HERC2: variants seen among roughly 807,000 people sequenced by gnomAD.
The protein encoded by HERC2 is E3 ubiquitin-protein ligase HERC2.
A neutral mutation model predicts 537.7 loss-of-function variants in HERC2; 102 were observed. The observed-to-expected ratio is 0.19, with a 90% CI of 0.16 to 0.22. The LOEUF is 0.22. Among genes scored for constraint, HERC2 ranks in the 10% least tolerant of loss-of-function variants. HERC2 has a pLI of 1.00. For synonymous variants in HERC2, 2,224 were observed against 2,466.2 expected, an observed-to-expected ratio of 0.90 and a Z score of 2.91; for missense variants, 4,236 against 6,198.2, an observed-to-expected ratio of 0.68 and a Z score of 10.63.
intron 48 of HERC2, 42 bp from the exon 49 acceptor site, chr15:28,198,811 A>T: frequency 1.3e-6 from 2 of 1,537,924 alleles, no homozygotes; most frequent in Non-Finnish European, 8.9e-7. Context: ...CATCATGTAC[A>T]CAGGTGAAAT....
intron 83 of HERC2, 106 bp from the exon 84 acceptor site, chr15:28,125,299 G>T: frequency 2.2e-6 from 2 of 909,908 alleles, no homozygotes; most frequent in Non-Finnish European, 1.8e-6. Flanking sequence ...CTGCCCTTCA[G>T]CTGGTGTTGA....
chr15:28,227,013 G>A (rs1437872119), intron 35 of HERC2, among the ~76,000 whole-genome samples: 3 of 152,208 alleles, frequency 2.0e-5, no homozygotes, highest in Non-Finnish European at 2.9e-5. Flanking sequence ...AGTGGCTCAC[G>A]CCTGTTATCC....
rs771908396 is a variant in HERC2, at chr15:28,213,776, G to A, written c.6752C>T (p.Thr2251Met). 5.6e-6 allele frequency: 9 copies of A among 1,613,846 alleles called. No individual in the cohort carries two copies. Among genetic ancestry groups the A allele is most frequent in the Admixed American group, 1.7e-5 (1 of 59,996 alleles). ...KITVQFSDMR[T>M]CRVCPLNQLK... is the part of the protein sequence containing the mutation. ...CTGATTCAATGGGCAAACGCGACAC[G>A]TCCGCATGTCAGAGAACTGCACGGT... Residue 2251 changes from threonine to methionine, a missense_variant, in exon 42 of 93, where the codon ACG (threonine) becomes ATG (methionine). By Grantham distance (81) the Thr-to-Met change is moderately conservative. Around this residue, in one of 27 missense-constraint regions of HERC2, gnomAD observed 67 missense variants for 140.1 expected, o/e 0.48. Coordinates refer to ENST00000261609, the MANE Select transcript of HERC2 (RefSeq NM_004667.6).
Position 28,113,003 on chromosome 15 carries a change from G to A in HERC2, c.14232+68C>T, listed in dbSNP as rs1887815399. The A allele has an allele frequency of 2.3e-6, 3 of 1,311,830 alleles. No individual in the cohort carries two copies. Among genetic ancestry groups the A allele is most frequent in the South Asian group, 2.5e-5 (2 of 80,248 alleles). 81.3% of individuals were successfully genotyped at this position (1,311,830 alleles called of 1,614,324 possible). Reference sequence around the variant, plus strand: ...TTTTCCATGTGCTGCAGGACTGTGGGTGAGGAGCCAGCCACCCACCGTCGG... The same window carrying A: ...TTTTCCATGTGCTGCAGGACTGTGGATGAGGAGCCAGCCACCCACCGTCGG... On this transcript the variant is annotated intron_variant, in intron 92 of 92. Transcript: ENST00000261609. This position sits in a 1 kb window ranked among gnomAD's most constrained non-coding sequence, Gnocchi z 7.0.
At chr15:28,190,855 C>G in intron 55 of HERC2, 110 bp downstream of exon 55, 1 of 723,028 alleles carries the variant, frequency 1.4e-6, no homozygotes, top group South Asian at 1.6e-5. Flanking sequence ...CAGAAAGAAC[C>G]AATTATTTAA....
rs1432702452 is a variant in HERC2, at chr15:28,213,928, C to G, written c.6600G>C (p.Val2200=). ...DYFPDSENPE[V]GGLMAVLAVI... ...CAGCCAGGACTGCCATGAGGCCCCC[C>G]ACTTCAGGGTTCTCGGAGTCGGGGA... The change falls in exon 42 of 93, where the codon GTG becomes GTC. Residue 2200 remains valine (V), a synonymous_variant. Coordinates refer to ENST00000261609, the MANE Select transcript of HERC2 (RefSeq NM_004667.6). 6 of 1,614,134 alleles carry G rather than the reference C, an allele frequency of 3.7e-6. No homozygotes were observed. Among genetic ancestry groups the G allele is most frequent in the Middle Eastern group, 1.6e-4 (1 of 6,062 alleles).
intron 87 of HERC2, 40 bp from the exon 88 acceptor site, chr15:28,116,899 G>C: frequency 6.2e-7 from 1 of 1,608,546 alleles, no homozygotes; most frequent in Non-Finnish European, 8.5e-7. Flanking sequence ...CCCTCACACA[G>C]TCCTGTGTAA....
rs550452997 is a variant in HERC2 at position 28,274,462 on chromosome 15, G to A, written c.644-15C>T. 3.3e-5 allele frequency: 53 copies of A among 1,594,296 alleles called. No individual in the cohort carries two copies. The East Asian group carries it at 4.3e-4, about 13-fold the overall frequency. ...CGCATCCTCGCCTGGGCGCACACACGCGTCAGAGGAGCCCCCCCACTCCCC... is the reference window on the plus strand; with the variant it reads ...CGCATCCTCGCCTGGGCGCACACACACGTCAGAGGAGCCCCCCCACTCCCC... On this transcript the variant is annotated splice_polypyrimidine_tract_variant and intron_variant, in intron 6 of 92. Coordinates refer to ENST00000261609, the MANE Select transcript of HERC2 (RefSeq NM_004667.6).
At chr15:28,204,822 C>G (rs967978305) in intron 45 of HERC2, among the ~76,000 whole-genome samples, 7 of 152,122 alleles carry the variant, frequency 4.6e-5, no homozygotes, top group Non-Finnish European at 8.8e-5. Context: ...ACTAACCAAG[C>G]TACTAACAAG....
chr15:28,132,680 G>A lies in HERC2; in HGVS notation c.12381C>T (p.Asp4127=). ...GCTTCGGCTTCAGCTGGTCCTCACT[G>A]TCGCTGTGCCCCAGCCGGCCGTAGC... ...KGRYGRLGHS[D]SEDQLKPKLV... Residue 4127 remains aspartate (D), a synonymous_variant, in exon 80 of 93, where the codon GAC becomes GAT. Transcript: ENST00000261609. 1 of 1,574,710 alleles carries A rather than the reference G, an allele frequency of 6.4e-7. No homozygotes were observed. The highest frequency in any genetic ancestry group is 8.6e-7 in the Non-Finnish European group (1 of 1,159,590).
At chr15:28,299,132 G>C (rs1304510298) in intron 3 of HERC2, among the ~76,000 whole-genome samples, 1 of 151,970 alleles carries the variant, frequency 6.6e-6, no homozygotes, top group African/African-American at 2.4e-5. Flanking sequence ...CAGGCCAAAG[G>C]CTTCCAATAA....
rs369664002 is a variant in HERC2, at chr15:28,179,227, C to T, written c.8938-4G>A. 15 of 1,579,162 alleles carry T rather than the reference C, an allele frequency of 9.5e-6. No homozygotes were observed. In the East Asian group the frequency reaches 1.6e-4, roughly 16 times the overall value. ...CAGAGAACGAAGGAACCTTTATCTA[C>T]AACAGAATTTTTTTAACAAAAAAAA... is the stretch of plus-strand genomic sequence containing the variant. On this transcript the variant is annotated splice_polypyrimidine_tract_variant and splice_region_variant and intron_variant, in intron 57 of 92. Transcript: ENST00000261609.
chr15:28,229,919 A>G (rs1901652471), intron 31 of HERC2, 72 bp from the exon 32 acceptor site: 1 of 857,350 alleles, frequency 1.2e-6, no homozygotes, highest in African/African-American at 1.7e-5. Flanking sequence ...AAAGTTATTC[A>G]AGTAAAATAT....
chr15:28,290,835 T>C (rs543595217), intron 4 of HERC2, among the ~76,000 whole-genome samples: 2 of 152,230 alleles, frequency 1.3e-5, no homozygotes, highest in Non-Finnish European at 2.9e-5. Flanking sequence ...AAATTTATAT[T>C]ATAGTTTTGA....
Position 28,301,735 on chromosome 15 carries a change from GTATATATATATATATATATATATA to G in HERC2, c.73-2243_73-2220del, listed in dbSNP as rs55977156. ...GGATACACACTAGTTGTATGTATGT[GTATATATATATATATATATATATA>G]TATATATATATATATATATATGGGT... On this transcript the variant is annotated intron_variant, in intron 2 of 92. Transcript: ENST00000261609. Among the ~76,000 whole-genome samples, 291 of 35,402 alleles carry G rather than the reference GTATATATATATATATATATATATA, an allele frequency of 8.2e-3. 14 individuals are homozygous for G. The highest frequency in any genetic ancestry group is 0.011 in the Non-Finnish European group (228 of 19,832). The allele number at this position is 35,402 out of a possible 152,430, so 23.2% of individuals were successfully genotyped here.
In HERC2 at chr15:28,198,536, A is replaced by G. The variant is rs8024600; in HGVS notation, c.7886-33T>C. Reference sequence around the variant, plus strand: ...TGTCAATAACAAATCATTATAATCAATATTCATTTAAGGGAATTTTGTCTC... The same window carrying G: ...TGTCAATAACAAATCATTATAATCAGTATTCATTTAAGGGAATTTTGTCTC... On this transcript the variant is annotated intron_variant, in intron 49 of 92. Coordinates refer to ENST00000261609, the MANE Select transcript of HERC2 (RefSeq NM_004667.6). 41,070 of 1,611,056 alleles carry G rather than the reference A, an allele frequency of 0.025. 9,013 individuals are homozygous for G. The African/African-American group carries it at 0.48, about 19-fold the overall frequency.
Position 28,229,541 on chromosome 15 carries a change from C to T in HERC2, c.5039G>A (p.Ser1680Asn). 3.1e-6 allele frequency: 5 copies of T among 1,613,778 alleles called. No individual in the cohort carries two copies. The highest frequency in any genetic ancestry group is 4.2e-6 in the Non-Finnish European group (5 of 1,179,810). ...CACAGATGGAAGTAAGAAATTCTTG[C>T]TCGCCAGTTTTAAAATTGTATCTAT... ...EGIDTILKLASKNFLLPSVQY... is the reference protein window; with the variant it reads ...EGIDTILKLANKNFLLPSVQY... Residue 1680 changes from serine to asparagine, a missense_variant, in exon 33 of 93, where the codon AGC (serine) becomes AAC (asparagine). Transcript: ENST00000261609.
Position 28,191,970 on chromosome 15 carries a change from C to T in HERC2, c.8442G>A (p.Ser2814=), listed in dbSNP as rs938441463. 1.3e-5 allele frequency: 21 copies of T among 1,612,960 alleles called. No individual in the cohort carries two copies. The highest frequency in any genetic ancestry group is 5.3e-5 in the African/African-American group (4 of 74,898). The part of the protein sequence containing the change: ...GSEPCWQSSG[S]QGKHWIRLEI... ...CCCTATTAGATGCTACCTTTCCTTG[C>T]GACCCCGATGACTGCCAGCAGGGCT... Residue 2814 remains serine, a synonymous_variant, in exon 53 of 93, where the codon TCG becomes TCA. Transcript: ENST00000261609.
At chr15:28,282,825 G>A (rs1318964459) in intron 4 of HERC2, among the ~76,000 whole-genome samples, 4 of 151,868 alleles carry the variant, frequency 2.6e-5, no homozygotes, top group South Asian at 2.1e-4. Flanking sequence ...CCAGCTACTC[G>A]AGAGGCTGAG....
Sources: gnomAD v4.1 joint callset for allele counts (sites outside exome capture counted in the v4.1 genomes callset) on GRCh38, gnomAD v4.1.1 for gene constraint, gnomAD v4.1.1 regional missense constraint, Gnocchi (gnomAD v3.1) non-coding constraint, MANE v1.5 for transcripts, NCBI Gene and HGNC (gene_info 2026-07-23, HGNC 2026-07-21) for gene names.